Variants in BECN1 observed in about 807,000 individuals in gnomAD.
BECN1 encodes the protein beclin-1.
A neutral mutation model predicts 60.1 loss-of-function variants in BECN1; 15 were observed. That is an observed-to-expected ratio of 0.25 (90% confidence interval 0.17 to 0.38). The LOEUF is 0.38. Ranked by LOEUF, BECN1 falls within the 10% of genes least tolerant of loss-of-function variation. BECN1 has a pLI of 1.00. For synonymous variants in BECN1, 179 were observed against 201.8 expected (o/e 0.89, Z 0.96); for missense variants, 424 against 548.2 (o/e 0.77, Z 2.26).
At chr17:42,813,222 C>G (rs2055070975) in intron 10 of BECN1, among the ~76,000 whole-genome samples, 1 of 151,858 alleles carries the variant, frequency 6.6e-6, no homozygotes, top group Admixed American at 6.6e-5. Context: ...GAAATTACCT[C>G]AGACTACATG....
At chr17:42,818,923 G>C (rs775554782) in intron 4 of BECN1, 46 bp from the exon 5 acceptor site, 2 of 1,601,798 alleles carry the variant, frequency 1.2e-6, no homozygotes, top group East Asian at 2.2e-5. Context: ...GAACAGAGAG[G>C]CTTCCTCCAC....
Position 42,813,992 on chromosome 17 carries a change from A to G in BECN1, c.997T>C (p.Tyr333His), listed in dbSNP as rs1203948279. The G allele has an allele frequency of 1.2e-6, 2 of 1,604,842 alleles. No homozygotes were observed. The highest frequency in any genetic ancestry group is 2.7e-5 in the African/African-American group (2 of 74,576). Residue 333 changes from tyrosine (Y) to histidine (H), a missense_variant, in exon 10 of 12, where the codon TAC becomes CAC. Tyr to His is a moderately conservative substitution (Grantham distance 83, BLOSUM62 2). Transcript: ENST00000590099. ...LKFQRYRLVP[Y>H]GNHSYLESLT... ...GACTCCAGATATGAATGGTTTCCGT[A>G]AGGAACAAGTCGGTATCTAAAATAG...
At chr17:42,815,759 T>C (rs755881322) in intron 8 of BECN1, 149 bp downstream of exon 8, 12 of 1,005,168 alleles carry the variant, frequency 1.2e-5, no homozygotes, top group Non-Finnish European at 1.7e-5. Flanking sequence ...ATCCCTACTG[T>C]GCCTATCCCA....
At chr17:42,819,284 T>G in intron 4 of BECN1, 1 of 490,102 alleles carries the variant, frequency 2.0e-6, no homozygotes, top group South Asian at 3.6e-5. Context: ...GCCCATCTCT[T>G]GGTGATTGGT....
At chr17:42,819,727 C>A in intron 3 of BECN1, 118 bp from the exon 4 acceptor site, 2 of 1,023,046 alleles carry the variant, frequency 2.0e-6, no homozygotes, top group Non-Finnish European at 2.9e-6. Context: ...TGATAAACCA[C>A]AGAGACTTAA....
At chr17:42,823,646 G>C (rs2055321049) in intron 2 of BECN1, 102 bp downstream of exon 2, 5 of 1,450,244 alleles carry the variant, frequency 3.4e-6, no homozygotes, top group Non-Finnish European at 4.6e-6. Flanking sequence ...AGGTTCACAC[G>C]ATGAGTTTGT....
chr17:42,819,056 C>A (rs1259444519), intron 4 of BECN1, 179 bp from the exon 5 acceptor site: 8 of 639,250 alleles, frequency 1.3e-5, no homozygotes, highest in Non-Finnish European at 2.1e-5. Context: ...CCATGCTGGT[C>A]TTCCACAGGG....
chr17:42,815,700 C>A lies in BECN1; in HGVS notation c.830+208G>T, dbSNP rs758463779. 4.7e-6 allele frequency: 3 copies of A among 632,372 alleles called. No homozygotes were observed. In the Admixed American group the frequency reaches 9.3e-5, roughly 20 times the overall value. 39.2% of individuals were successfully genotyped at this position (632,372 alleles called of 1,614,324 possible). ...TTTTTAAGTGGCTGAAGGGCTCAGG[C>A]CTTTTCCTTTCTTTAGAAGGGCGGA... On this transcript the variant is annotated intron_variant, in intron 8 of 11. Coordinates refer to ENST00000590099, the MANE Select transcript of BECN1 (RefSeq NM_001313998.2).
At chr17:42,819,656 A>G (rs776824333) in intron 3 of BECN1, 47 bp from the exon 4 acceptor site, 1 of 1,586,664 alleles carries the variant, frequency 6.3e-7, no homozygotes, top group Non-Finnish European at 8.6e-7. Flanking sequence ...GCTTAGAGGT[A>G]GAGTTCATCT....
In BECN1 at chr17:42,811,785, A is replaced by G. The variant is rs774605520; in HGVS notation, c.1054T>C (p.Tyr352His). Reference sequence around the variant, plus strand: ...AAAAACCGCAACCCCCCAGAACAGTATAACGGCAGCTCCTGCCCAAGAAGA... The same window carrying G: ...AAAAACCGCAACCCCCCAGAACAGTGTAACGGCAGCTCCTGCCCAAGAAGA... ...LTDKSKELPL[Y>H]CSGGLRFFWD... The change falls in exon 11 of 12, where the codon TAC (tyrosine) becomes CAC (histidine). Residue 352 changes from tyrosine to histidine, a missense_variant. Physicochemically the swap from Tyr to His is moderately conservative, Grantham distance 83 (BLOSUM62 2). Transcript: ENST00000590099. 2 of 1,612,622 alleles carry G rather than the reference A, an allele frequency of 1.2e-6. No individual in the cohort carries two copies. The highest frequency in any genetic ancestry group is 2.2e-5 in the East Asian group (1 of 44,874).
chr17:42,819,661 T>G, intron 3 of BECN1, 52 bp from the exon 4 acceptor site: 1 of 1,574,406 alleles, frequency 6.4e-7, no homozygotes, highest in Non-Finnish European at 8.7e-7. Context: ...GAGGTAGAGT[T>G]CATCTCCCAA....
In BECN1 at chr17:42,823,860, C is replaced by A; in HGVS notation, c.18G>T (p.Thr6=). Residue 6 remains threonine (T), a synonymous_variant, in exon 2 of 12, where the codon ACG becomes ACT. Transcript: ENST00000590099. MEGSK[T]SNNSTMQVSF... is the part of the protein sequence containing the mutation. ...TCACCTGCATGGTGCTGTTGTTGGA[C>A]GTCTTAGACCCTTCCATCCCTGAGG... is the stretch of plus-strand genomic sequence containing the variant. The A allele has an allele frequency of 6.2e-7, 1 of 1,613,992 alleles. No individual in the cohort carries two copies. The highest frequency in any genetic ancestry group is 8.5e-7 in the Non-Finnish European group (1 of 1,179,964).
chr17:42,820,066 G>C (rs1300821541), intron 3 of BECN1, among the ~76,000 whole-genome samples: 1 of 152,190 alleles, frequency 6.6e-6, no homozygotes, highest in Non-Finnish European at 1.5e-5. Context: ...GACTTCAAAT[G>C]CCAGACCCCT....
chr17:42,818,903 C>A, intron 4 of BECN1, 26 bp from the exon 5 acceptor site: 2 of 1,612,486 alleles, frequency 1.2e-6, no homozygotes, highest in Non-Finnish European at 1.7e-6. Flanking sequence ...CGCCCACGGG[C>A]CACATGAGGG....
At chr17:42,824,006 GA>G (rs1567675679) in intron 1 of BECN1, 127 bp from the exon 2 acceptor site, 1 of 1,246,594 alleles carries the variant, frequency 8.0e-7, no homozygotes. Context: ...TTCCCTCTAG[GA>G]ATGGTATGAT....
At chr17:42,816,174 A>G in intron 7 of BECN1, 120 bp from the exon 8 acceptor site, 5 of 1,099,536 alleles carry the variant, frequency 4.5e-6, no homozygotes, top group African/African-American at 1.6e-5. Flanking sequence ...CATCTTTTAT[A>G]TTTGGCATAG....
intron 7 of BECN1, 43 bp downstream of exon 7, chr17:42,818,178 T>C: frequency 1.9e-6 from 3 of 1,593,848 alleles, no homozygotes; most frequent in Non-Finnish European, 2.6e-6. Flanking sequence ...TTTCCTCTCC[T>C]GGAGCCTCGA....
At chr17:42,819,024 G>T in intron 4 of BECN1, 147 bp from the exon 5 acceptor site, 2 of 795,920 alleles carry the variant, frequency 2.5e-6, no homozygotes, top group Non-Finnish European at 3.9e-6. Flanking sequence ...CCTCCCAAGG[G>T]TACCTCTCTC....
At chr17:42,820,361 T>C (rs1597939293) in intron 3 of BECN1, 1 of 170,978 alleles carries the variant, frequency 5.8e-6, no homozygotes, top group Non-Finnish European at 1.3e-5. Flanking sequence ...AGGGCAATCA[T>C]ACAATTCACT....
Sources: gnomAD v4.1 joint callset for allele counts (sites outside exome capture counted in the v4.1 genomes callset) on GRCh38, gnomAD v4.1.1 for gene constraint, MANE v1.5 for transcripts, NCBI Gene and HGNC (gene_info 2026-07-23, HGNC 2026-07-21) for gene names.